EMG1: variants seen among roughly 807,000 people sequenced by gnomAD.
The protein encoded by EMG1 is EMG1 N1-specific pseudouridine methyltransferase.
Under a neutral mutation model 26.9 loss-of-function variants are expected in EMG1, and 24 were observed. The ratio of observed to expected loss-of-function variants is 0.89; its 90% CI spans 0.65 to 1.26. EMG1 has a LOEUF of 1.26. Ranked by LOEUF, EMG1 falls within the 50% of genes most tolerant of loss-of-function variation. EMG1 has a pLI of 0.00. For missense variants in EMG1, 299 were observed against 307.6 expected, an observed-to-expected ratio of 0.97 and a Z score of 0.21; for synonymous variants, 140 against 112.6, an observed-to-expected ratio of 1.24 and a Z score of -1.54.
At chr12:6,974,480 G>A (rs1345466270) in intron 2 of EMG1, 40 bp downstream of exon 2, 5 of 1,608,110 alleles carry the variant, frequency 3.1e-6, no homozygotes, top group Non-Finnish European at 4.3e-6. Context: ...TTGAGCCTCT[G>A]TATGGAAGGG....
rs1946543659 is a variant in EMG1 at position 6,987,863 on chromosome 12, C to CT, written c.*211+26dup. Reference sequence around the variant, plus strand: ...GGTATGTGAAATTGTCTGCCTGACTCTAACAAGGCCTACACTGTCCTGAGT... The same window carrying CT: ...GGTATGTGAAATTGTCTGCCTGACTCTTAACAAGGCCTACACTGTCCTGAGT... On this transcript the variant is annotated intron_variant and NMD_transcript_variant, in intron 7 of 7. Coordinates refer to the EMG1 transcript ENST00000261406. The surrounding 1 kb of genome is among the most constrained non-coding windows in gnomAD (Gnocchi z 4.1). 5.0e-6 allele frequency: 2 copies of CT among 400,598 alleles called. No individual in the cohort carries two copies. Among genetic ancestry groups the CT allele is most frequent in the Admixed American group, 4.4e-5 (1 of 22,718 alleles). 24.8% of individuals were successfully genotyped at this position (400,598 alleles called of 1,614,324 possible). A position where few individuals can be genotyped will look rare whatever the true frequency, so the allele number is the denominator to read the frequency against.
chr12:6,983,964 G>A (rs1337082816), downstream of EMG1, among the ~76,000 whole-genome samples: 5 of 152,064 alleles, frequency 3.3e-5, no homozygotes, highest in African/African-American at 4.8e-5. Flanking sequence ...GCAACATAGC[G>A]AAACCCCGTC....
rs782112048 is a variant in EMG1, at chr12:6,988,121, T to C, written c.*212-47T>C. 3.3e-5 allele frequency: 9 copies of C among 269,254 alleles called. No homozygotes were observed. In the South Asian group the frequency reaches 1.4e-3, roughly 41 times the overall value. The allele number at this position is 269,254 out of a possible 1,614,324, so 16.7% of individuals were successfully genotyped here. A position where few individuals can be genotyped will look rare whatever the true frequency, so the allele number is the denominator to read the frequency against. On this transcript the variant is annotated intron_variant and NMD_transcript_variant, in intron 7 of 7. Coordinates refer to the EMG1 transcript ENST00000261406. ...CCTTATGGACTTAGGCCTGGTAACA[T>C]CTGTTCTGGCCACTTAGAGGCCTTG...
chr12:6,974,740 G>T, intron 3 of EMG1, 47 bp downstream of exon 3: 1 of 1,601,508 alleles, frequency 6.2e-7, no homozygotes, highest in Non-Finnish European at 8.6e-7. Flanking sequence ...CAGTAGGGAA[G>T]AAGGGAGGAA....
chr12:6,977,191 G>C lies in EMG1; in HGVS notation c.*1382G>C. Reference sequence around the variant, plus strand: ...TCTCTTTCCTTGGCACCATTGCTTTGTGAATATAAGGCAATATGAATAGTA... The same window carrying C: ...TCTCTTTCCTTGGCACCATTGCTTTCTGAATATAAGGCAATATGAATAGTA... On this transcript the variant is annotated 3_prime_UTR_variant, in exon 6 of 6. Transcript: ENST00000599672. This position sits in a 1 kb window ranked among gnomAD's most constrained non-coding sequence, Gnocchi z 4.5. The C allele has an allele frequency of 6.2e-7, 1 of 1,613,544 alleles. No homozygotes were observed. Among genetic ancestry groups the C allele is most frequent in the South Asian group, 1.1e-5 (1 of 91,060 alleles).
chr12:6,974,456 G>A lies in EMG1; in HGVS notation c.270+16G>A. 2 of 1,611,110 alleles carry A rather than the reference G, an allele frequency of 1.2e-6. No individual in the cohort carries two copies. Among genetic ancestry groups the A allele is most frequent in the African/African-American group, 2.7e-5 (2 of 75,002 alleles). ...CACCCACCAGGTAACTCCAGGGACA[G>A]TGCTCACAACCCTTTGAGCCTCTGT... is the stretch of plus-strand genomic sequence containing the variant. On this transcript the variant is annotated intron_variant, in intron 2 of 5. Transcript: ENST00000599672.
At chr12:6,985,374 C>T (rs1004489917) in intron 6 of EMG1, among the ~76,000 whole-genome samples, 7 of 151,290 alleles carry the variant, frequency 4.6e-5, no homozygotes, top group East Asian at 1.9e-4. Context: ...CCAGCCTGGG[C>T]GACAGAGCGA....
downstream of EMG1, among the ~76,000 whole-genome samples, chr12:6,988,812 T>A (rs1355233164): frequency 6.6e-6 from 1 of 152,120 alleles, no homozygotes; most frequent in South Asian, 2.1e-4. Flanking sequence ...CCAGATGGGT[T>A]TGTAACAACC....
chr12:6,982,494 T>C (rs1384590196), downstream of EMG1, among the ~76,000 whole-genome samples: 1 of 152,178 alleles, frequency 6.6e-6, no homozygotes, highest in Non-Finnish European at 1.5e-5. Flanking sequence ...GAGTTACCAT[T>C]ACAATCTGTG....
rs782195719 is a variant in EMG1 at position 6,974,326 on chromosome 12, C to T, written c.169-13C>T. Reference sequence around the variant, plus strand: ...GCTTATGCTGTTCTCTCGTCATGTTCCCTGTTCTTCAGGTAGGGAAGACAT... The same window carrying T: ...GCTTATGCTGTTCTCTCGTCATGTTTCCTGTTCTTCAGGTAGGGAAGACAT... On this transcript the variant is annotated splice_polypyrimidine_tract_variant and intron_variant, in intron 1 of 5. Transcript: ENST00000599672. The T allele has an allele frequency of 1.3e-6, 2 of 1,587,252 alleles. No individual in the cohort carries two copies. The highest frequency in any genetic ancestry group is 1.7e-6 in the Non-Finnish European group (2 of 1,158,036).
chr12:6,979,181 T>C lies in EMG1; in HGVS notation c.*3372T>C. The C allele has an allele frequency of 2.3e-6, 1 of 441,296 alleles. No individual in the cohort carries two copies. Among genetic ancestry groups the C allele is most frequent in the Admixed American group, 3.9e-5 (1 of 25,416 alleles). The allele number at this position is 441,296 out of a possible 1,614,324, so 27.3% of individuals were successfully genotyped here. On this transcript the variant is annotated 3_prime_UTR_variant, in exon 6 of 6. Transcript: ENST00000599672. Reference sequence around the variant, plus strand: ...TAGGATGGAGAATCAGAAGCTGCTGTGCTCTGAGGGGTCACGTGGATGTGA... The same window carrying C: ...TAGGATGGAGAATCAGAAGCTGCTGCGCTCTGAGGGGTCACGTGGATGTGA...
downstream of EMG1, chr12:6,982,980 CTTTT>C: frequency 1.5e-6 from 1 of 655,128 alleles, no homozygotes; most frequent in Non-Finnish European, 2.8e-6. Context: ...TATTTCTTTT[CTTTT>C]TTTGTTTGTT....
intron 7 of EMG1, among the ~76,000 whole-genome samples, chr12:6,994,630 T>C (rs1400960010): frequency 4.6e-5 from 7 of 152,098 alleles, no homozygotes; most frequent in Non-Finnish European, 7.4e-5. Flanking sequence ...GACCGGCTAA[T>C]TTCTTGTAGA....
chr12:6,994,558 C>G (rs1487303744), intron 7 of EMG1, among the ~76,000 whole-genome samples: 1 of 152,122 alleles, frequency 6.6e-6, no homozygotes, highest in Non-Finnish European at 1.5e-5. Flanking sequence ...CCTCAACTTT[C>G]TAGGTTCAAG....
chr12:6,986,919 G>C (rs1946533042), intron 6 of EMG1, among the ~76,000 whole-genome samples: 1 of 151,842 alleles, frequency 6.6e-6, no homozygotes, highest in African/African-American at 2.4e-5. Flanking sequence ...TTTGAGACGA[G>C]CCTGGCCAAC....
chr12:6,996,030 C>T (rs1946633191), intron 7 of EMG1, among the ~76,000 whole-genome samples: 1 of 152,176 alleles, frequency 6.6e-6, no homozygotes, highest in Non-Finnish European at 1.5e-5. Context: ...GGTCACTCCT[C>T]TGCTCAAAGC....
chr12:6,978,740 T>G lies in EMG1; in HGVS notation c.*2931T>G. On this transcript the variant is annotated 3_prime_UTR_variant, in exon 6 of 6. Coordinates refer to ENST00000599672, the MANE Select transcript of EMG1 (RefSeq NM_006331.8). ...TAGGGATATCACATGACTAGGCAGT[T>G]TCTCTCAGCACTCTTCCTTTTCACA... is the stretch of plus-strand genomic sequence containing the variant. The G allele has an allele frequency of 1.2e-6, 2 of 1,604,604 alleles. No homozygotes were observed. The highest frequency in any genetic ancestry group is 1.7e-6 in the Non-Finnish European group (2 of 1,174,930).
At position 6,978,191 on chromosome 12, in the gene EMG1, A is replaced by G. The variant is rs1591711184; in HGVS notation, c.*2382A>G. The G allele has an allele frequency of 4.9e-6, 4 of 812,952 alleles. No individual in the cohort carries two copies. The East Asian group carries it at 1.1e-4, about 22-fold the overall frequency. The allele number at this position is 812,952 out of a possible 1,614,324, so 50.4% of individuals were successfully genotyped here. On this transcript the variant is annotated 3_prime_UTR_variant, in exon 6 of 6. Transcript: ENST00000599672. ...GTAATGGTTTTTTTGGGAGGGGGGT[A>G]TAGGTGGGGGTCAAAGTCAGTGTGA...
chr12:6,994,351 G>A (rs1264732411), intron 7 of EMG1, among the ~76,000 whole-genome samples: 3 of 152,128 alleles, frequency 2.0e-5, no homozygotes, highest in Non-Finnish European at 4.4e-5. Flanking sequence ...GGGATTACAG[G>A]TGTGCACCAC....
Sources: gnomAD v4.1 joint callset for allele counts (sites outside exome capture counted in the v4.1 genomes callset) on GRCh38, gnomAD v4.1.1 for gene constraint, Gnocchi (gnomAD v3.1) non-coding constraint, MANE v1.5 for transcripts, NCBI Gene and HGNC (gene_info 2026-07-23, HGNC 2026-07-21) for gene names.